The following THADA variants were observed in gnomAD, a reference collection of about 807,000 sequenced individuals.
THADA encodes tRNA (32-2'-O)-methyltransferase regulator THADA.
A neutral mutation model predicts 219.8 loss-of-function variants in THADA; 213 were observed. The observed-to-expected ratio is 0.97, with a 90% CI of 0.87 to 1.09. The LOEUF is 1.09. THADA is among the 50% of genes least tolerant of loss of function. THADA has a pLI of 0.00. For synonymous variants in THADA, 1,018 were observed against 828.9 expected (o/e 1.23, Z -3.92); for missense variants, 2,956 against 2,311.3 (o/e 1.28, Z -5.72).
At chr2:43,534,852 T>A (rs1253831311) in intron 21 of THADA, among the ~76,000 whole-genome samples, 1 of 152,162 alleles carries the variant, frequency 6.6e-6, no homozygotes, top group East Asian at 1.9e-4. Context: ...TCTCCTTGGA[T>A]AAATGCCTAG....
At chr2:43,233,936 C>T (rs1485755666) in intron 36 of THADA, among the ~76,000 whole-genome samples, 1 of 152,144 alleles carries the variant, frequency 6.6e-6, no homozygotes, top group Non-Finnish European at 1.5e-5. Context: ...ACTCCCAAAT[C>T]CACATCTCTA....
chr2:43,445,288 C>G (rs949908547), intron 26 of THADA, among the ~76,000 whole-genome samples: 2 of 152,172 alleles, frequency 1.3e-5, no homozygotes, highest in Non-Finnish European at 2.9e-5. Flanking sequence ...ATAGAAACAA[C>G]TAATAAAAAG....
chr2:43,338,257 A>G (rs1666701390), intron 30 of THADA, among the ~76,000 whole-genome samples: 2 of 151,722 alleles, frequency 1.3e-5, no homozygotes, highest in Admixed American at 1.3e-4. Context: ...CCCAGGTTCA[A>G]GCGATTCTCC....
chr2:43,412,740 C>T (rs542032167), intron 28 of THADA, among the ~76,000 whole-genome samples: 1 of 152,310 alleles, frequency 6.6e-6, no homozygotes, highest in East Asian at 1.9e-4. Context: ...CTATTCTTGG[C>T]AAAGTCTTTA....
At chr2:43,502,584 C>CAAAA (rs1172070049) in intron 24 of THADA, among the ~76,000 whole-genome samples, 27 of 72,544 alleles carry the variant, frequency 3.7e-4, no homozygotes, top group South Asian at 8.8e-4. Context: ...GACCTCGTCT[C>CAAAA]AAAAAAAAAA....
intron 28 of THADA, among the ~76,000 whole-genome samples, chr2:43,415,314 A>T (rs988400034): frequency 6.6e-6 from 1 of 152,208 alleles, no homozygotes; most frequent in African/African-American, 2.4e-5. Context: ...GACCTGTCAA[A>T]TCATTTAATA....
At chr2:43,432,002 G>A (rs1428321038) in intron 26 of THADA, among the ~76,000 whole-genome samples, 8 of 127,596 alleles carry the variant, frequency 6.3e-5, no homozygotes, top group Non-Finnish European at 1.1e-4. Context: ...GACTACAGGC[G>A]CCCGCCACTA....
At chr2:43,374,877 T>G (rs1321978221) in intron 29 of THADA, among the ~76,000 whole-genome samples, 2 of 152,068 alleles carry the variant, frequency 1.3e-5, no homozygotes, top group African/African-American at 4.8e-5. Context: ...AAACACATAT[T>G]GTAAAGCTAC....
rs1443358478 is a variant in THADA, at chr2:43,577,145, G to A, written c.914C>T (p.Ser305Leu). The part of the protein sequence containing the change: ...RSLCCGDISQ[S>L]AVLFLCQGTL... ...CCCCTGACAGAGGAATAAGACAGCT[G>A]ACTGAGAGATGTCACCACAACAGAG... Residue 305 changes from serine (S) to leucine (L), a missense_variant, in exon 10 of 38, where the codon TCA becomes TTA. Transcript: ENST00000405975. The A allele has an allele frequency of 6.2e-7, 1 of 1,611,344 alleles. No individual in the cohort carries two copies. Among genetic ancestry groups the A allele is most frequent in the Non-Finnish European group, 8.5e-7 (1 of 1,178,930 alleles).
At chr2:43,317,761 T>C (rs557844324) in intron 31 of THADA, among the ~76,000 whole-genome samples, 316 of 152,350 alleles carry the variant, frequency 2.1e-3, no homozygotes, top group African/African-American at 7.4e-3. Context: ...CATTCATACA[T>C]ATACATAAAT....
At chr2:43,537,829 C>A (rs1397735052) in intron 21 of THADA, among the ~76,000 whole-genome samples, 1 of 151,112 alleles carries the variant, frequency 6.6e-6, no homozygotes, top group African/African-American at 2.4e-5. Context: ...TGGTAGCACA[C>A]ACCTATAGTC....
At chr2:43,549,001 G>A (rs529331556) in intron 20 of THADA, among the ~76,000 whole-genome samples, 3 of 152,172 alleles carry the variant, frequency 2.0e-5, no homozygotes, top group East Asian at 3.9e-4. Context: ...GTTCCTATTC[G>A]GCCATCTTGG....
chr2:43,398,808 C>A (rs1386429411), intron 28 of THADA, among the ~76,000 whole-genome samples: 1 of 152,186 alleles, frequency 6.6e-6, no homozygotes, highest in Non-Finnish European at 1.5e-5. Flanking sequence ...AGAAGTGGGT[C>A]AGGCCATACT....
chr2:43,583,910 G>A (rs1427891931), intron 7 of THADA, among the ~76,000 whole-genome samples: 1 of 151,800 alleles, frequency 6.6e-6, no homozygotes, highest in African/African-American at 2.4e-5. Flanking sequence ...CATAGTGGCG[G>A]ACGTCTGTGG....
chr2:43,241,179 C>G (rs560921308), intron 36 of THADA, among the ~76,000 whole-genome samples: 90 of 152,204 alleles, frequency 5.9e-4, no homozygotes, highest in African/African-American at 2.1e-3. Flanking sequence ...GCAGCGACCT[C>G]CCAGGCTCAA....
Position 43,349,947 on chromosome 2 carries a change from C to A in THADA, c.4228-5710G>T, listed in dbSNP as rs571840930. Among the ~76,000 whole-genome samples, 5 of 152,326 alleles carry A rather than the reference C, an allele frequency of 3.3e-5. No homozygotes were observed. In the South Asian group the frequency reaches 8.3e-4, roughly 25 times the overall value. On this transcript the variant is annotated intron_variant, in intron 29 of 37. Coordinates refer to ENST00000405975, the MANE Select transcript of THADA (RefSeq NM_022065.5). Reference sequence around the variant, plus strand: ...GCCTAGTTTTCTCCCTGCACTGCTTCAACCCCCAAAGCTAAGTCAGTGCCA... The same window carrying A: ...GCCTAGTTTTCTCCCTGCACTGCTTAAACCCCCAAAGCTAAGTCAGTGCCA...
intron 20 of THADA, among the ~76,000 whole-genome samples, chr2:43,543,521 T>C (rs1323329667): frequency 1.3e-5 from 2 of 151,090 alleles, no homozygotes; most frequent in East Asian, 3.9e-4. Context: ...TTTCTCCACA[T>C]CCTCTCCAGC....
At position 43,242,472 on chromosome 2, in the gene THADA, T is replaced by A. The variant is rs533667857; in HGVS notation, c.5297-9590A>T. On this transcript the variant is annotated intron_variant, in intron 36 of 37. Transcript: ENST00000405975. ...ATCCAGGCTTATCTGACTCCAGCACTCCAGCACCTATATTCTTTTTTCTTT... is the reference window on the plus strand; with the variant it reads ...ATCCAGGCTTATCTGACTCCAGCACACCAGCACCTATATTCTTTTTTCTTT... 1.8e-3 allele frequency among the ~76,000 whole-genome samples: 275 copies of A among 152,218 alleles called. 1 individual carries two copies. The highest frequency in any genetic ancestry group is 3.1e-3 in the Non-Finnish European group (209 of 68,028).
At chr2:43,522,162 G>A (rs1036355825) in intron 22 of THADA, among the ~76,000 whole-genome samples, 5 of 152,134 alleles carry the variant, frequency 3.3e-5, no homozygotes, top group Admixed American at 2.6e-4. Flanking sequence ...ATAGATGTGT[G>A]CAGGAAGGTT....
Sources: allele counts gnomAD v4.1 joint callset (sites outside exome capture counted in the v4.1 genomes callset), GRCh38; gene constraint gnomAD v4.1.1; transcripts MANE v1.5; gene names NCBI Gene and HGNC (gene_info 2026-07-23, HGNC 2026-07-21).